The following MCF2L2 variants were observed in gnomAD, a reference collection of about 807,000 sequenced individuals.
The protein encoded by MCF2L2 is probable guanine nucleotide exchange factor MCF2L2.
In MCF2L2, 102 loss-of-function variants were observed where a neutral mutation model predicts 150.2. That is an observed-to-expected ratio of 0.68 (90% CI 0.58 to 0.80). The LOEUF (loss-of-function observed/expected upper bound fraction) is 0.80. Among genes scored for constraint, MCF2L2 ranks in the 30% least tolerant of loss-of-function variants. The pLI is 0.00. For missense variants in MCF2L2, 1,256 were observed against 1,372.8 expected, an observed-to-expected ratio of 0.91 and a Z score of 1.34; for synonymous variants, 465 against 491.3, an observed-to-expected ratio of 0.95 and a Z score of 0.71.
At chr3:183,223,695 AG>A (rs1315025988) in intron 19 of MCF2L2, among the ~76,000 whole-genome samples, 2 of 152,214 alleles carry the variant, frequency 1.3e-5, no homozygotes, top group Non-Finnish European at 2.9e-5. Context: ...TCTTTTAGAA[AG>A]CAAGTTCACT....
chr3:183,191,555 G>A (rs897944436), intron 27 of MCF2L2, among the ~76,000 whole-genome samples: 6 of 152,126 alleles, frequency 3.9e-5, no homozygotes, highest in Non-Finnish European at 5.9e-5. Flanking sequence ...CACCACCACC[G>A]GTTTAACGCC....
intron 25 of MCF2L2, among the ~76,000 whole-genome samples, chr3:183,201,012 G>A (rs1210436581): frequency 3.3e-5 from 5 of 152,330 alleles, no homozygotes; most frequent in African/African-American, 1.2e-4. Flanking sequence ...GTACCATGCT[G>A]TTTTGATTAC....
At chr3:183,310,799 A>C in intron 9 of MCF2L2, 116 bp downstream of exon 9, 1 of 674,786 alleles carries the variant, frequency 1.5e-6, no homozygotes, top group Middle Eastern at 2.5e-4. Flanking sequence ...CAAGGAGATA[A>C]GGAGAAAGCT....
chr3:183,338,874 A>G lies in MCF2L2; in HGVS notation c.412T>C (p.Ser138Pro), dbSNP rs745456250. The G allele has an allele frequency of 6.2e-7, 1 of 1,608,014 alleles. No individual in the cohort carries two copies. Residue 138 changes from serine to proline, a missense_variant, in exon 5 of 30, where the codon TCT becomes CCT. Coordinates refer to ENST00000328913, the MANE Select transcript of MCF2L2 (RefSeq NM_015078.4). ...GTGAATGTCCTCTGGATAAAGCGAGATGGACGAAGGATGAATATGAGCTGT... is the reference window on the plus strand; with the variant it reads ...GTGAATGTCCTCTGGATAAAGCGAGGTGGACGAAGGATGAATATGAGCTGT... ...NLQLIFILRP[S>P]RFIQRTFTDI...
rs149701225 is a variant in MCF2L2 at position 183,279,099 on chromosome 3, A to G, written c.1777-2142T>C. On this transcript the variant is annotated intron_variant, in intron 14 of 29. Coordinates refer to ENST00000328913, the MANE Select transcript of MCF2L2 (RefSeq NM_015078.4). Reference sequence around the variant, plus strand: ...TGTTTTATTAAGGTATAGACAGATTAGTTGTGTTCTAGCATAGTGGTTTTC... The same window carrying G: ...TGTTTTATTAAGGTATAGACAGATTGGTTGTGTTCTAGCATAGTGGTTTTC... Among the ~76,000 whole-genome samples, 1,035 of 152,288 alleles carry G rather than the reference A, an allele frequency of 6.8e-3. 12 individuals carry two copies. Among genetic ancestry groups the G allele is most frequent in the African/African-American group, 0.024 (992 of 41,536 alleles).
chr3:183,318,104 A>T lies in MCF2L2; in HGVS notation c.717T>A (p.Leu239=). Residue 239 remains leucine (L), a synonymous_variant, in exon 7 of 30, where the codon CTT becomes CTA. Coordinates refer to ENST00000328913, the MANE Select transcript of MCF2L2 (RefSeq NM_015078.4). ...CCCGCTGCCTTGTGTGGGACATGAG[A>T]AGGTCTTCCGTGGATAGCATGCTTC... is the stretch of plus-strand genomic sequence containing the variant. ...LPRSMLSTED[L]LMSHTRQRDK... The T allele has an allele frequency of 1.2e-6, 2 of 1,614,144 alleles. No individual in the cohort carries two copies. The highest frequency in any genetic ancestry group is 1.7e-6 in the Non-Finnish European group (2 of 1,180,006).
intron 5 of MCF2L2, among the ~76,000 whole-genome samples, chr3:183,335,743 C>G (rs933082965): frequency 1.3e-5 from 2 of 152,124 alleles, no homozygotes; most frequent in African/African-American, 4.8e-5. Context: ...TGGTGTGTGC[C>G]TGCAGTCCCA....
intron 22 of MCF2L2, among the ~76,000 whole-genome samples, chr3:183,214,843 A>AG (rs1345998230): frequency 6.6e-6 from 1 of 151,742 alleles, no homozygotes; most frequent in East Asian, 1.9e-4. Context: ...AAAAAAAAAA[A>AG]AATTAGCAAG....
chr3:183,320,919 C>T (rs1344170344), intron 6 of MCF2L2, among the ~76,000 whole-genome samples: 1 of 152,102 alleles, frequency 6.6e-6, no homozygotes, highest in Non-Finnish European at 1.5e-5. Flanking sequence ...ACTTAGAGGT[C>T]ATTGTAAGGT....
rs1294506497 is a variant in MCF2L2 at position 183,207,603 on chromosome 3, T to C, written c.2712+5A>G. ...GACTCCCAGATGCAATAGGACTCCC[T>C]TTACCTTCATGGTCTTCTTGAAGCT... On this transcript the variant is annotated splice_donor_5th_base_variant and intron_variant, in intron 23 of 29. Coordinates refer to ENST00000328913, the MANE Select transcript of MCF2L2 (RefSeq NM_015078.4). 6.2e-7 allele frequency: 1 copy of C among 1,609,410 alleles called. No homozygotes were observed. The highest frequency in any genetic ancestry group is 8.5e-7 in the Non-Finnish European group (1 of 1,175,826).
At chr3:183,276,389 T>C (rs1295463522) in intron 15 of MCF2L2, among the ~76,000 whole-genome samples, 1 of 152,224 alleles carries the variant, frequency 6.6e-6, no homozygotes, top group Non-Finnish European at 1.5e-5. Context: ...TGATGGGGAT[T>C]CTGAGTATAA....
chr3:183,237,875 C>T lies in MCF2L2; in HGVS notation c.1863-6858G>A, dbSNP rs1287221709. Among the ~76,000 whole-genome samples the T allele has an allele frequency of 2.7e-4, 22 of 82,224 alleles. No individual in the cohort carries two copies. In the East Asian group the frequency reaches 6.7e-3, roughly 25 times the overall value. 53.9% of individuals were successfully genotyped at this position (82,224 alleles called of 152,430 possible). Reference sequence around the variant, plus strand: ...TTCCCTCTACACACTGCTTTGAATGCGTCCCAGAGATTCTGGTATGTGGTG... The same window carrying T: ...TTCCCTCTACACACTGCTTTGAATGTGTCCCAGAGATTCTGGTATGTGGTG... On this transcript the variant is annotated intron_variant, in intron 15 of 29. Transcript: ENST00000328913.
At chr3:183,376,909 T>C (rs1349568263) in intron 3 of MCF2L2, 1 of 152,214 alleles carries the variant, frequency 6.6e-6, no homozygotes, top group Admixed American at 6.5e-5. Flanking sequence ...CTAGAGAGTG[T>C]CTTTCACATA....
chr3:183,361,964 G>A (rs1234047349), intron 3 of MCF2L2, among the ~76,000 whole-genome samples: 1 of 152,178 alleles, frequency 6.6e-6, no homozygotes. Flanking sequence ...TTAAAATAGT[G>A]TATAAAATTA....
At chr3:183,369,355 C>A (rs1482426680) in intron 3 of MCF2L2, among the ~76,000 whole-genome samples, 2 of 152,196 alleles carry the variant, frequency 1.3e-5, no homozygotes, top group Non-Finnish European at 2.9e-5. Context: ...TAAGAGGCCA[C>A]TGATCACAGA....
chr3:183,359,822 C>T (rs1330228562), intron 3 of MCF2L2, among the ~76,000 whole-genome samples: 2 of 152,046 alleles, frequency 1.3e-5, no homozygotes, highest in Non-Finnish European at 2.9e-5. Context: ...CAACCTCTGG[C>T]CTGTTCAGTG....
chr3:183,186,555 C>T (rs1026031247), intron 27 of MCF2L2, among the ~76,000 whole-genome samples: 4 of 152,150 alleles, frequency 2.6e-5, no homozygotes, highest in African/African-American at 4.8e-5. Context: ...GTGAAACTGC[C>T]GTCTCTACTA....
intron 22 of MCF2L2, among the ~76,000 whole-genome samples, chr3:183,215,520 T>C (rs886264037): frequency 3.3e-5 from 5 of 152,226 alleles, no homozygotes; most frequent in Admixed American, 3.3e-4. Flanking sequence ...ATGTACACTA[T>C]ATACTTTTGG....
chr3:183,285,307 G>T (rs750583234), intron 14 of MCF2L2, among the ~76,000 whole-genome samples: 5 of 152,176 alleles, frequency 3.3e-5, no homozygotes, highest in Admixed American at 2.0e-4. Flanking sequence ...GGCAGAAAAG[G>T]ACATTTAGGG....
Sources: gnomAD v4.1 joint callset for allele counts (sites outside exome capture counted in the v4.1 genomes callset) on GRCh38, gnomAD v4.1.1 for gene constraint, MANE v1.5 for transcripts, NCBI Gene and HGNC (gene_info 2026-07-23, HGNC 2026-07-21) for gene names.